CACNA1C: variants seen among roughly 807,000 people sequenced by gnomAD.
CACNA1C encodes the protein voltage-dependent L-type calcium channel subunit alpha-1C.
Under a neutral mutation model 229.0 loss-of-function variants are expected in CACNA1C, and 30 were observed. The ratio of observed to expected loss-of-function variants is 0.13; its 90% CI spans 0.10 to 0.18. The LOEUF (loss-of-function observed/expected upper bound fraction) is 0.18, where lower values mean the gene tolerates loss of function less well. Ranked by LOEUF, CACNA1C falls within the 10% of genes least tolerant of loss-of-function variation. The pLI is 1.00. For missense variants in CACNA1C, 1,658 were observed against 2,845.0 expected, an observed-to-expected ratio of 0.58 and a Z score of 9.49; for synonymous variants, 1,114 against 1,132.5, an observed-to-expected ratio of 0.98 and a Z score of 0.33.
intron 31 of CACNA1C, among the ~76,000 whole-genome samples, chr12:2,650,692 A>G (rs2094862899): frequency 6.6e-6 from 1 of 152,140 alleles, no homozygotes; most frequent in African/African-American, 2.4e-5. Context: ...CTGGCCAGGC[A>G]TGTGCCCAAG....
At chr12:2,059,092 G>T (rs1470608395) in intron 1 of CACNA1C, among the ~76,000 whole-genome samples, 1 of 152,170 alleles carries the variant, frequency 6.6e-6, no homozygotes, top group African/African-American at 2.4e-5. Context: ...ACCCGCGCAG[G>T]TCCCTGGAGA....
At chr12:2,445,168 C>G (rs2099265690) in intron 3 of CACNA1C, among the ~76,000 whole-genome samples, 1 of 152,176 alleles carries the variant, frequency 6.6e-6, no homozygotes. Context: ...ACTCCCTACC[C>G]CCAGCACCTA....
intron 3 of CACNA1C, among the ~76,000 whole-genome samples, chr12:2,351,750 G>A (rs1001770103): frequency 7.9e-5 from 12 of 152,202 alleles, no homozygotes. Context: ...AGGGTCATGA[G>A]AGCGTGTTTC....
chr12:2,280,207 AGACCTTGCTGTGCTTCGGTT>A (rs2090632197), intron 3 of CACNA1C, among the ~76,000 whole-genome samples: 1 of 125,056 alleles, frequency 8.0e-6, no homozygotes, highest in Admixed American at 7.4e-5. Context: ...TAACCTCTTG[AGACCTTGCTGTGCTTCGGTT>A]TAACCTCTTG....
At position 2,108,885 on chromosome 12, in the gene CACNA1C, T is replaced by A. The variant is rs1013208671; in HGVS notation, c.50-6339T>A. Among the ~76,000 whole-genome samples, 2 of 152,204 alleles carry A rather than the reference T, an allele frequency of 1.3e-5. No homozygotes were observed. The highest frequency in any genetic ancestry group is 4.8e-5 in the African/African-American group (2 of 41,446). ...TTCTGTTCCAGGTTGTCTGCGATAC[T>A]CTTAAAGGGAATGCAGGCCCCTTGT... On this transcript the variant is annotated intron_variant, in intron 1 of 46. Coordinates refer to ENST00000399655, the MANE Select transcript of CACNA1C (RefSeq NM_000719.7). The surrounding 1 kb of genome is among the most constrained non-coding windows in gnomAD (Gnocchi z 5.3).
At chr12:2,497,976 C>T (rs928588090) in intron 7 of CACNA1C, among the ~76,000 whole-genome samples, 1 of 150,440 alleles carries the variant, frequency 6.6e-6, no homozygotes, top group Non-Finnish European at 1.5e-5. Context: ...AATTCACACA[C>T]ACACACACAC....
rs2096076349 is a variant in CACNA1C at position 2,666,095 on chromosome 12, A to G, written c.4526+387A>G. Among the ~76,000 whole-genome samples the G allele has an allele frequency of 6.6e-6, 1 of 152,250 alleles. No individual in the cohort carries two copies. Among genetic ancestry groups the G allele is most frequent in the South Asian group, 2.1e-4 (1 of 4,834 alleles). The stretch of plus-strand genomic sequence containing the variant: ...TCCCAGCTACTCAGGAGGCCAAGGC[A>G]TGAGAATTGCCTGAACCTGGGAGGT... On this transcript the variant is annotated intron_variant, in intron 36 of 46. Transcript: ENST00000399655. The surrounding 1 kb of genome is among the most constrained non-coding windows in gnomAD (Gnocchi z 5.3).
intron 3 of CACNA1C, among the ~76,000 whole-genome samples, chr12:2,142,067 T>G (rs2094272817): frequency 6.6e-6 from 1 of 150,930 alleles, no homozygotes; most frequent in Non-Finnish European, 1.5e-5. Context: ...AAGTCCCTGG[T>G]CTGGTGGGGG....
intron 1 of CACNA1C, among the ~76,000 whole-genome samples, chr12:2,072,626 A>G (rs1219439586): frequency 7.2e-5 from 11 of 152,214 alleles, no homozygotes. Context: ...ATGTTAGTCC[A>G]TGGTTTCTCC....
rs952193161 is a variant in CACNA1C at position 2,575,442 on chromosome 12, A to G, written c.1896-6148A>G. On this transcript the variant is annotated intron_variant, in intron 13 of 46. Transcript: ENST00000399655. The surrounding 1 kb of genome is among the most constrained non-coding windows in gnomAD (Gnocchi z 4.0). ...AAGGGGCTGGGGCTCAATTTGACGG[A>G]AGCTCTGCTCTGAGGACACCCCCTC... Among the ~76,000 whole-genome samples the G allele has an allele frequency of 2.0e-5, 3 of 152,088 alleles. No homozygotes were observed. The highest frequency in any genetic ancestry group is 7.2e-5 in the African/African-American group (3 of 41,402).
intron 3 of CACNA1C, among the ~76,000 whole-genome samples, chr12:2,290,093 G>A (rs1206849281): frequency 1.3e-5 from 2 of 152,192 alleles, no homozygotes; most frequent in African/African-American, 4.8e-5. Flanking sequence ...AGCGATTCAG[G>A]GGAAGTTCCT....
chr12:2,139,732 G>A (rs59033499), intron 3 of CACNA1C, among the ~76,000 whole-genome samples: 1 of 151,312 alleles, frequency 6.6e-6, no homozygotes, highest in Non-Finnish European at 1.5e-5. Flanking sequence ...TAGTCCTGCA[G>A]CTTAGCACCA....
intron 3 of CACNA1C, among the ~76,000 whole-genome samples, chr12:2,183,633 C>T (rs2096908768): frequency 6.6e-6 from 1 of 152,212 alleles, no homozygotes; most frequent in Non-Finnish European, 1.5e-5. Flanking sequence ...GATGCATCCT[C>T]TCATGGTATG....
intron 3 of CACNA1C, among the ~76,000 whole-genome samples, chr12:2,265,740 G>A (rs1025041323): frequency 2.0e-5 from 3 of 152,192 alleles, no homozygotes; most frequent in Admixed American, 6.5e-5. Flanking sequence ...GGGCTCCAGT[G>A]TGCTCCACCC....
At chr12:2,229,895 G>C (rs1485865560) in intron 3 of CACNA1C, among the ~76,000 whole-genome samples, 1 of 152,200 alleles carries the variant, frequency 6.6e-6, no homozygotes, top group East Asian at 1.9e-4. Flanking sequence ...AAGGAGGCCA[G>C]AGCCATTGCA....
intron 3 of CACNA1C, among the ~76,000 whole-genome samples, chr12:2,190,234 A>G (rs2097168646): frequency 6.6e-6 from 1 of 152,222 alleles, no homozygotes; most frequent in Non-Finnish European, 1.5e-5. Context: ...AACATTGCCA[A>G]TCGATTTAAA....
At chr12:2,242,139 C>T (rs1245957798) in intron 3 of CACNA1C, among the ~76,000 whole-genome samples, 1 of 152,170 alleles carries the variant, frequency 6.6e-6, no homozygotes, top group Non-Finnish European at 1.5e-5. Context: ...CTCAGTTTTC[C>T]CAGCCATACT....
intron 8 of CACNA1C, among the ~76,000 whole-genome samples, chr12:2,511,332 C>G (rs1395431922): frequency 6.6e-6 from 1 of 152,324 alleles, no homozygotes; most frequent in South Asian, 2.1e-4. Context: ...AATGCAAGCA[C>G]TAGGCAGTGC....
rs2097800641 is a variant in CACNA1C at position 2,692,622 on chromosome 12, A to T, written c.*1423A>T. 1 of 152,668 alleles carries T rather than the reference A, an allele frequency of 6.6e-6. No homozygotes were observed. Among genetic ancestry groups the T allele is most frequent in the Non-Finnish European group, 1.5e-5 (1 of 68,050 alleles). 9.5% of individuals were successfully genotyped at this position (152,668 alleles called of 1,614,324 possible). A position where few individuals can be genotyped will look rare whatever the true frequency, so the allele number is the denominator to read the frequency against. On this transcript the variant is annotated 3_prime_UTR_variant, in exon 47 of 47. Transcript: ENST00000399655. ...AAAAACAATGCAATAATATTCATTT[A>T]AAAATACAATTGTGAGTTGTGTTGG...
Sources: gnomAD v4.1 joint callset for allele counts (sites outside exome capture counted in the v4.1 genomes callset) on GRCh38, gnomAD v4.1.1 for gene constraint, Gnocchi (gnomAD v3.1) non-coding constraint, MANE v1.5 for transcripts, NCBI Gene and HGNC (gene_info 2026-07-23, HGNC 2026-07-21) for gene names.